RNF128: variants seen among roughly 807,000 people sequenced by gnomAD.
RNF128 encodes the protein E3 ubiquitin-protein ligase RNF128.
In RNF128, 13 loss-of-function variants were observed where a neutral mutation model predicts 26.2. That is an observed-to-expected ratio of 0.50 (90% CI 0.32 to 0.79). The LOEUF (loss-of-function observed/expected upper bound fraction) is 0.79. RNF128 is among the 30% of genes least tolerant of loss of function. The pLI is 0.03. For synonymous variants in RNF128, 149 were observed against 142.5 expected, an observed-to-expected ratio of 1.05 and a Z score of -0.32; for missense variants, 315 against 349.7, an observed-to-expected ratio of 0.90 and a Z score of 0.79.
chrX:106,755,624 G>C (rs1344067724), intron 1 of RNF128, among the ~76,000 whole-genome samples: 2 of 111,498 alleles, frequency 1.8e-5, no homozygotes, highest in African/African-American at 6.5e-5. Context: ...ATCAATCAAT[G>C]TCCTACATCC....
chrX:106,783,452 TTACA>T (rs1412523412), intron 2 of RNF128, among the ~76,000 whole-genome samples: 2 of 109,724 alleles, frequency 1.8e-5, no homozygotes, highest in African/African-American at 6.5e-5. Flanking sequence ...TACTAAATAC[TTACA>T]TTATCTCTAA....
chrX:106,771,159 G>A (rs1432992219), intron 1 of RNF128, among the ~76,000 whole-genome samples: 2 of 112,342 alleles, frequency 1.8e-5, no homozygotes, highest in South Asian at 3.7e-4. Context: ...GGTGTCAGTC[G>A]GCCCCTTCTG....
Position 106,757,613 on chromosome X carries a change from T to C in RNF128, c.485-15300T>C, listed in dbSNP as rs202026628. Among the ~76,000 whole-genome samples, 193 of 80,871 alleles carry C rather than the reference T, an allele frequency of 2.4e-3. 8 individuals are homozygous for C. The East Asian group carries it at 0.044, about 19-fold the overall frequency. The allele number at this position is 80,871 out of a possible 115,157, so 70.2% of individuals were successfully genotyped here. A position where few individuals can be genotyped will look rare whatever the true frequency, so the allele number is the denominator to read the frequency against. ...GTGGGGGGAGGGGGGAGGGATAGCA[T>C]TGGGAGATATACCTAATGCTAGATG... On this transcript the variant is annotated intron_variant, in intron 1 of 6. Coordinates refer to ENST00000255499, the MANE Select transcript of RNF128 (RefSeq NM_194463.2).
Position 106,795,889 on chromosome X carries a change from T to G in RNF128, c.*176T>G. On this transcript the variant is annotated 3_prime_UTR_variant, in exon 7 of 7. Coordinates refer to ENST00000255499, the MANE Select transcript of RNF128 (RefSeq NM_194463.2). ...TAAAATATTTAACCTGTTAACTTTT[T>G]TCCACAAACTCATTATAATATTTTT... 6.3e-6 allele frequency: 2 copies of G among 316,106 alleles called. No individual in the cohort carries two copies. The highest frequency in any genetic ancestry group is 1.1e-5 in the Non-Finnish European group (2 of 187,992). The allele number at this position is 316,106 out of a possible 1,213,427, so 26.1% of individuals were successfully genotyped here.
intron 1 of RNF128, among the ~76,000 whole-genome samples, chrX:106,712,080 T>C (rs767617789): frequency 8.9e-6 from 1 of 112,419 alleles, no homozygotes; most frequent in Non-Finnish European, 1.9e-5. Flanking sequence ...CCACCGGTGG[T>C]GGTTAAATCT....
intron 2 of RNF128, among the ~76,000 whole-genome samples, chrX:106,781,323 T>C (rs1930561392): frequency 8.9e-6 from 1 of 111,974 alleles, no homozygotes; most frequent in South Asian, 3.8e-4. Context: ...TGTAGATATG[T>C]TCTTGAAATT....
At chrX:106,788,070 A>G (rs1443368171) in intron 4 of RNF128, 70 bp downstream of exon 4, 1 of 561,104 alleles carries the variant, frequency 1.8e-6, no homozygotes, top group African/African-American at 2.5e-5. Context: ...ATGGAAGAAA[A>G]CTATTTTGAA....
chrX:106,694,322 A>G (rs1232210920), exon 1 of RNF128: 1 of 1,210,336 alleles, frequency 8.3e-7, no homozygotes, highest in Non-Finnish European at 1.1e-6. Flanking sequence ...GAAAAAATTC[A>G]AACAGCGGGC....
At chrX:106,706,505 T>C (rs754461775) in intron 1 of RNF128, among the ~76,000 whole-genome samples, 11 of 112,096 alleles carry the variant, frequency 9.8e-5, no homozygotes, top group Non-Finnish European at 1.9e-4. Flanking sequence ...ACTTCAAGCA[T>C]GCATGGCTTC....
chrX:106,721,266 G>C (rs1929305832), intron 1 of RNF128, among the ~76,000 whole-genome samples: 1 of 111,976 alleles, frequency 8.9e-6, no homozygotes, highest in Non-Finnish European at 1.9e-5. Context: ...ATGTTGTCGA[G>C]CTGTGTATCC....
At chrX:106,785,607 T>TC (rs1170108683) in intron 3 of RNF128, among the ~76,000 whole-genome samples, 2 of 111,658 alleles carry the variant, frequency 1.8e-5, no homozygotes, top group African/African-American at 6.5e-5. Context: ...CCCTGGTGCC[T>TC]CCAGAAGGAG....
rs754709329 is a variant in RNF128, at chrX:106,795,633, A to G, written c.1207A>G (p.Ile403Val). Residue 403 changes from isoleucine (I) to valine (V), a missense_variant, in exon 7 of 7, where the codon ATT (isoleucine) becomes GTT (valine). Transcript: ENST00000255499. ...HEANSVAVDVIPHVDNPTFEE... is the reference protein window; with the variant it reads ...HEANSVAVDVVPHVDNPTFEE... ...AGCAAATTCTGTGGCAGTGGATGTT[A>G]TTCCTCATGTTGACAACCCAACCTT... 6 of 1,199,952 alleles carry G rather than the reference A, an allele frequency of 5.0e-6. No homozygotes were observed. Among genetic ancestry groups the G allele is most frequent in the South Asian group, 1.8e-5 (1 of 55,120 alleles).
intron 1 of RNF128, among the ~76,000 whole-genome samples, chrX:106,767,214 T>C (rs965141297): frequency 2.7e-5 from 3 of 111,654 alleles, no homozygotes; most frequent in African/African-American, 9.8e-5. Context: ...TTGGGTTCCA[T>C]ATGAACTTTA....
At chrX:106,707,624 T>C (rs928218287) in intron 1 of RNF128, among the ~76,000 whole-genome samples, 17 of 110,832 alleles carry the variant, frequency 1.5e-4, no homozygotes, top group African/African-American at 5.6e-4. Context: ...GGAGAAGGAT[T>C]TGGGGGCCAG....
intron 1 of RNF128, among the ~76,000 whole-genome samples, chrX:106,755,061 A>G (rs1490295170): frequency 1.8e-5 from 2 of 112,123 alleles, no homozygotes; most frequent in East Asian, 5.6e-4. Flanking sequence ...AAATAGATAA[A>G]GATGAAAAAT....
chrX:106,769,884 G>T (rs184182563), intron 1 of RNF128, among the ~76,000 whole-genome samples: 1,518 of 111,243 alleles, frequency 0.014, 16 homozygotes, highest in Middle Eastern at 0.032. Context: ...GCAGTGGCTG[G>T]TACCAGTTGT....
At chrX:106,756,004 A>G (rs917127770) in intron 1 of RNF128, among the ~76,000 whole-genome samples, 7 of 110,618 alleles carry the variant, frequency 6.3e-5, no homozygotes, top group East Asian at 2.8e-4. Context: ...AAAGAGAATA[A>G]AATACCTAGG....
intron 1 of RNF128, among the ~76,000 whole-genome samples, chrX:106,753,849 G>C (rs1164113635): frequency 8.9e-6 from 1 of 111,878 alleles, no homozygotes; most frequent in Non-Finnish European, 1.9e-5. Context: ...TATAAAAAGA[G>C]ATAAAGAAGG....
intron 4 of RNF128, among the ~76,000 whole-genome samples, chrX:106,789,726 GTTC>G (rs953915075): frequency 1.8e-5 from 2 of 108,292 alleles, no homozygotes; most frequent in African/African-American, 6.6e-5. Context: ...CCTGAAGGTT[GTTC>G]TTAACACTAC....
Sources: gnomAD v4.1 joint callset for allele counts (sites outside exome capture counted in the v4.1 genomes callset) on GRCh38, gnomAD v4.1.1 for gene constraint, MANE v1.5 for transcripts, NCBI Gene and HGNC (gene_info 2026-07-23, HGNC 2026-07-21) for gene names.